The following XRCC5 variants were observed in gnomAD, a reference collection of about 807,000 sequenced individuals.
XRCC5 encodes the protein X-ray repair cross complementing 5, also known as DNA repair protein Ku80.
In XRCC5, 12 loss-of-function variants were observed where a neutral mutation model predicts 95.7. The observed-to-expected ratio is 0.13, with a 90% confidence interval of 0.08 to 0.20. The LOEUF (loss-of-function observed/expected upper bound fraction) is 0.20. Among genes scored for constraint, XRCC5 ranks in the 10% least tolerant of loss-of-function variants. XRCC5 has a pLI of 1.00. For missense variants in XRCC5, 595 were observed against 873.9 expected (o/e 0.68, Z 4.02); for synonymous variants, 281 against 290.3 (o/e 0.97, Z 0.33).
At chr2:216,161,897 A>T in intron 15 of XRCC5, 82 bp from the exon 16 acceptor site, 1 of 1,121,454 alleles carries the variant, frequency 8.9e-7, no homozygotes, top group Non-Finnish European at 1.4e-6. Context: ...CACACTTATT[A>T]CATTAAGCCA....
intron 15 of XRCC5, among the ~76,000 whole-genome samples, chr2:216,160,767 C>T (rs1032481963): frequency 3.3e-5 from 5 of 151,942 alleles, no homozygotes; most frequent in Non-Finnish European, 1.5e-5. Context: ...TCACCCACGC[C>T]GGAGTACAGT....
At chr2:216,161,091 G>A (rs1042673005) in intron 15 of XRCC5, among the ~76,000 whole-genome samples, 14 of 152,002 alleles carry the variant, frequency 9.2e-5, no homozygotes, top group Non-Finnish European at 8.8e-5. Flanking sequence ...GGATAGTCAG[G>A]GAATAAAGGG....
intron 16 of XRCC5, among the ~76,000 whole-genome samples, chr2:216,168,736 G>A (rs1225245464): frequency 6.6e-6 from 1 of 152,148 alleles, no homozygotes; most frequent in Admixed American, 6.5e-5. Flanking sequence ...GAAAAAGAGA[G>A]CTTTATTTCT....
At chr2:216,198,015 A>G (rs1464438258) in intron 19 of XRCC5, among the ~76,000 whole-genome samples, 1 of 152,230 alleles carries the variant, frequency 6.6e-6, no homozygotes, top group African/African-American at 2.4e-5. Context: ...CAAAGAGCCC[A>G]GTATTATCTC....
intron 17 of XRCC5, 22 bp downstream of exon 17, chr2:216,190,356 T>A: frequency 6.3e-7 from 1 of 1,598,024 alleles, no homozygotes. Flanking sequence ...CTAGCATCTC[T>A]TTTCTTCCTA....
intron 16 of XRCC5, among the ~76,000 whole-genome samples, chr2:216,189,046 C>T (rs1689563873): frequency 6.6e-6 from 1 of 152,158 alleles, no homozygotes; most frequent in African/African-American, 2.4e-5. Flanking sequence ...TTTCCACATG[C>T]TGTATGGTCC....
intron 7 of XRCC5, 23 bp from the exon 8 acceptor site, chr2:216,127,513 C>T (rs376027136): frequency 3.8e-6 from 6 of 1,571,834 alleles, no homozygotes; most frequent in South Asian, 1.2e-5. Context: ...TCCTTGTTTT[C>T]CCTTTGTGTT....
At chr2:216,185,297 C>G (rs2106043053) in intron 16 of XRCC5, among the ~76,000 whole-genome samples, 1 of 152,276 alleles carries the variant, frequency 6.6e-6, no homozygotes, top group South Asian at 2.1e-4. Flanking sequence ...GTGTTGGTCC[C>G]TGACTGATAC....
At chr2:216,190,007 C>G (rs1235745330) in intron 16 of XRCC5, among the ~76,000 whole-genome samples, 1 of 152,168 alleles carries the variant, frequency 6.6e-6, no homozygotes, top group East Asian at 1.9e-4. Context: ...AAATTAATTT[C>G]TTGACAAATA....
chr2:216,170,037 CAAAAAAAAAAA>C (rs71047982), intron 16 of XRCC5, among the ~76,000 whole-genome samples: 38 of 53,652 alleles, frequency 7.1e-4, no homozygotes, highest in East Asian at 2.2e-3. Flanking sequence ...GACTGTGTCT[CAAAAAAAAAAA>C]AAAAAAAAAA....
intron 17 of XRCC5, 31 bp downstream of exon 17, chr2:216,190,365 T>C (rs1332643704): frequency 6.3e-7 from 1 of 1,589,984 alleles, no homozygotes; most frequent in South Asian, 1.1e-5. Flanking sequence ...CTTTTCTTCC[T>C]AAACAGTTGG....
rs770798658 is a variant in XRCC5 at position 216,190,216 on chromosome 2, A to G, written c.1835-9A>G. On this transcript the variant is annotated splice_polypyrimidine_tract_variant and intron_variant, in intron 16 of 20. Coordinates refer to ENST00000392132, the MANE Select transcript of XRCC5 (RefSeq NM_021141.4). ...CAAATCTAAGAAAATTTGTTGTCTTATGTTTTAGCGAGTAACCAGCTCATA... is the reference window on the plus strand; with the variant it reads ...CAAATCTAAGAAAATTTGTTGTCTTGTGTTTTAGCGAGTAACCAGCTCATA... 1.1e-5 allele frequency: 17 copies of G among 1,612,372 alleles called. No individual in the cohort carries two copies. The highest frequency in any genetic ancestry group is 1.4e-5 in the Non-Finnish European group (17 of 1,179,164).
chr2:216,175,448 C>T lies in XRCC5; in HGVS notation c.1834+13400C>T, dbSNP rs41302462. The T allele has an allele frequency of 2.8e-3, 1,472 of 518,242 alleles. 18 individuals are homozygous for T. The highest frequency in any genetic ancestry group is 0.024 in the African/African-American group (1,255 of 51,828). 32.1% of individuals were successfully genotyped at this position (518,242 alleles called of 1,614,324 possible). On this transcript the variant is annotated intron_variant, in intron 16 of 20. Coordinates refer to ENST00000392132, the MANE Select transcript of XRCC5 (RefSeq NM_021141.4). The stretch of plus-strand genomic sequence containing the variant: ...TCTCTTGTTTAGAAAGGGCCTTTTT[C>T]ACTTTACAGTTGTGCTTGTTAATAG...
At chr2:216,144,770 GTCC>G (rs757540416) in intron 13 of XRCC5, among the ~76,000 whole-genome samples, 5 of 152,220 alleles carry the variant, frequency 3.3e-5, no homozygotes, top group Non-Finnish European at 7.3e-5. Context: ...AGATTTGAGA[GTCC>G]TCCTCATTGA....
At chr2:216,200,317 G>A (rs1440830174) in intron 19 of XRCC5, among the ~76,000 whole-genome samples, 1 of 152,144 alleles carries the variant, frequency 6.6e-6, no homozygotes, top group Non-Finnish European at 1.5e-5. Flanking sequence ...TGAAGACAAA[G>A]GTTAAGAATC....
At chr2:216,121,044 A>G (rs1027486120) in intron 5 of XRCC5, among the ~76,000 whole-genome samples, 2 of 152,240 alleles carry the variant, frequency 1.3e-5, no homozygotes, top group Non-Finnish European at 1.5e-5. Flanking sequence ...CACAGTTTTT[A>G]GTTTCTTCTA....
intron 14 of XRCC5, among the ~76,000 whole-genome samples, chr2:216,151,891 A>G (rs372029176): frequency 2.5e-4 from 38 of 152,212 alleles, no homozygotes; most frequent in African/African-American, 8.9e-4. Flanking sequence ...ATTGACTCAC[A>G]GTTCCACATG....
At chr2:216,167,690 T>A (rs890267361) in intron 16 of XRCC5, among the ~76,000 whole-genome samples, 1 of 151,716 alleles carries the variant, frequency 6.6e-6, no homozygotes, top group Non-Finnish European at 1.5e-5. Flanking sequence ...CCCAGATAGA[T>A]AAGAAGATAA....
intron 6 of XRCC5, among the ~76,000 whole-genome samples, chr2:216,123,692 G>A (rs1243094279): frequency 1.3e-5 from 2 of 152,156 alleles, no homozygotes; most frequent in Non-Finnish European, 2.9e-5. Context: ...TGTAGTCCTA[G>A]CTACTTGAGA....
Sources: allele counts gnomAD v4.1 joint callset (sites outside exome capture counted in the v4.1 genomes callset), GRCh38; gene constraint gnomAD v4.1.1; transcripts MANE v1.5; gene names NCBI Gene and HGNC (gene_info 2026-07-23, HGNC 2026-07-21).